The following SNTG2 variants were observed in gnomAD, a reference collection of about 807,000 sequenced individuals.
SNTG2 encodes syntrophin gamma 2, also known as gamma-2-syntrophin.
SNTG2 carries 74 observed loss-of-function variants against 70.9 expected under a neutral mutation model. The ratio of observed to expected loss-of-function variants is 1.04; its 90% CI spans 0.86 to 1.27. The LOEUF is 1.27. Ranked by LOEUF, SNTG2 falls within the 50% of genes most tolerant of loss-of-function variation. The pLI is 0.00. For synonymous variants in SNTG2, 278 were observed against 273.8 expected, an observed-to-expected ratio of 1.02 and a Z score of -0.15; for missense variants, 717 against 690.7, an observed-to-expected ratio of 1.04 and a Z score of -0.43.
At chr2:1,272,881 C>G (rs36088353) in intron 14 of SNTG2, among the ~76,000 whole-genome samples, 45,642 of 150,554 alleles carry the variant, frequency 0.3, 7,900 homozygotes, top group African/African-American at 0.47. Context: ...AACTGGAGGA[C>G]AACAGTGTCT....
At chr2:1,249,982 G>T (rs972484568) in intron 12 of SNTG2, among the ~76,000 whole-genome samples, 1 of 152,184 alleles carries the variant, frequency 6.6e-6, no homozygotes, top group African/African-American at 2.4e-5. Flanking sequence ...TGAGGAGGGC[G>T]CATGGCACTG....
intron 8 of SNTG2, among the ~76,000 whole-genome samples, chr2:1,203,885 T>A (rs1673463987): frequency 6.6e-6 from 1 of 152,100 alleles, no homozygotes; most frequent in Non-Finnish European, 1.5e-5. Context: ...CAAATTTAGA[T>A]GACAGCATAG....
intron 4 of SNTG2, among the ~76,000 whole-genome samples, chr2:1,114,152 T>A (rs1666750160): frequency 6.6e-6 from 1 of 151,770 alleles, no homozygotes; most frequent in Non-Finnish European, 1.5e-5. Context: ...GTTTAACCCT[T>A]ACGGTCCTTT....
At chr2:1,180,834 A>G (rs1671834330) in intron 8 of SNTG2, among the ~76,000 whole-genome samples, 1 of 152,072 alleles carries the variant, frequency 6.6e-6, no homozygotes, top group African/African-American at 2.4e-5. Context: ...TCCAACAATG[A>G]TAGACTGGAT....
chr2:1,284,525 C>G (rs6738955), intron 14 of SNTG2, among the ~76,000 whole-genome samples: 1 of 151,990 alleles, frequency 6.6e-6, no homozygotes, highest in Admixed American at 6.5e-5. Context: ...CAAAACCACC[C>G]AAAAAGAGAA....
intron 14 of SNTG2, among the ~76,000 whole-genome samples, chr2:1,288,215 G>A (rs1480230048): frequency 6.6e-6 from 1 of 152,104 alleles, no homozygotes; most frequent in Non-Finnish European, 1.5e-5. Context: ...CTAGGCCTTG[G>A]AGAACCTACA....
At chr2:1,237,757 G>A in intron 9 of SNTG2, 131 bp from the exon 10 acceptor site, 1 of 1,177,954 alleles carries the variant, frequency 8.5e-7, no homozygotes, top group Non-Finnish European at 1.2e-6. Flanking sequence ...TGAGGCGCCT[G>A]AGGAAGTGGT....
At chr2:1,103,391 A>G (rs4971440) in intron 4 of SNTG2, 2 of 234,624 alleles carry the variant, frequency 8.5e-6, no homozygotes, top group African/African-American at 2.6e-5. Context: ...TTTTTTTTTT[A>G]TTTTTTTTTT....
intron 1 of SNTG2, among the ~76,000 whole-genome samples, chr2:1,033,724 G>A (rs920366945): frequency 1.3e-5 from 2 of 152,168 alleles, no homozygotes; most frequent in Non-Finnish European, 2.9e-5. Context: ...CTGTGGACCT[G>A]TGGACAGGCT....
rs1411311679 is a variant in SNTG2 at position 1,173,269 on chromosome 2, C to T, written c.591+86C>T. On this transcript the variant is annotated intron_variant, in intron 8 of 16. Transcript: ENST00000308624. ...ATCTCTAGACAGAATTAAAAAGATG[C>T]TGTACTGCCCAGTGAAGATAATTGT... 5.1e-6 allele frequency: 6 copies of T among 1,175,260 alleles called. No individual in the cohort carries two copies. The East Asian group carries it at 1.2e-4, about 23-fold the overall frequency. The allele number at this position is 1,175,260 out of a possible 1,614,324, so 72.8% of individuals were successfully genotyped here. A position where few individuals can be genotyped will look rare whatever the true frequency, so the allele number is the denominator to read the frequency against.
At chr2:1,334,786 G>T (rs1387396878) in intron 16 of SNTG2, among the ~76,000 whole-genome samples, 2 of 152,112 alleles carry the variant, frequency 1.3e-5, no homozygotes, top group East Asian at 3.9e-4. Context: ...TGGGGAATTG[G>T]GGGGAAGGAT....
chr2:1,070,140 G>A (rs1161532520), intron 1 of SNTG2, among the ~76,000 whole-genome samples: 1 of 152,102 alleles, frequency 6.6e-6, no homozygotes, highest in African/African-American at 2.4e-5. Context: ...CAGTCTGAGG[G>A]GCGGGGGATG....
chr2:1,075,161 G>T, intron 1 of SNTG2, among the ~76,000 whole-genome samples: 1 of 152,182 alleles, frequency 6.6e-6, no homozygotes, highest in East Asian at 1.9e-4. Context: ...ATGAGGGTTG[G>T]AGTATAATTA....
chr2:1,006,312 TA>T (rs554375122), intron 1 of SNTG2, among the ~76,000 whole-genome samples: 2 of 150,640 alleles, frequency 1.3e-5, no homozygotes, highest in African/African-American at 2.4e-5. Context: ...AAGGTATAAT[TA>T]AAAAAAAGAA....
At chr2:1,004,578 G>A (rs1383200585) in intron 1 of SNTG2, among the ~76,000 whole-genome samples, 1 of 152,216 alleles carries the variant, frequency 6.6e-6, no homozygotes, top group Non-Finnish European at 1.5e-5. Flanking sequence ...AATGTCACAT[G>A]TCAGGGAATT....
At chr2:1,089,998 G>T (rs1343354429) in intron 2 of SNTG2, among the ~76,000 whole-genome samples, 1 of 152,126 alleles carries the variant, frequency 6.6e-6, no homozygotes, top group Non-Finnish European at 1.5e-5. Context: ...TGCTCCTACC[G>T]ACTGTTCCAT....
intron 9 of SNTG2, among the ~76,000 whole-genome samples, chr2:1,229,911 G>A (rs944383432): frequency 1.3e-5 from 2 of 152,206 alleles, no homozygotes; most frequent in African/African-American, 4.8e-5. Flanking sequence ...CCAAGCCTAC[G>A]CCCACCCGGA....
chr2:1,072,665 G>A (rs1191137117), intron 1 of SNTG2, among the ~76,000 whole-genome samples: 1 of 152,184 alleles, frequency 6.6e-6, no homozygotes, highest in African/African-American at 2.4e-5. Flanking sequence ...CAGGAATCAA[G>A]GTGTAGTGTT....
intron 1 of SNTG2, among the ~76,000 whole-genome samples, chr2:1,077,592 C>T (rs1664005848): frequency 1.3e-5 from 2 of 152,196 alleles, no homozygotes; most frequent in African/African-American, 4.8e-5. Flanking sequence ...ATTTTTGTTA[C>T]AGAAAGGTTT....
Sources: gnomAD v4.1 joint callset for allele counts (sites outside exome capture counted in the v4.1 genomes callset) on GRCh38, gnomAD v4.1.1 for gene constraint, MANE v1.5 for transcripts, NCBI Gene and HGNC (gene_info 2026-07-23, HGNC 2026-07-21) for gene names.